SOCS7: variants seen among roughly 807,000 people sequenced by gnomAD.
The protein encoded by SOCS7 is NAP-4.
Under a neutral mutation model 58.9 loss-of-function variants are expected in SOCS7, and 18 were observed. The ratio of observed to expected loss-of-function variants is 0.31; its 90% CI spans 0.21 to 0.45. SOCS7 has a LOEUF of 0.45. SOCS7 is among the 20% of genes least tolerant of loss of function. The probability of loss-of-function intolerance (pLI) is 1.00; values close to 1 mark genes in which losing one functional copy is unlikely to be tolerated. For synonymous variants in SOCS7, 388 were observed against 364.3 expected (o/e 1.06, Z -0.74); for missense variants, 667 against 837.3 (o/e 0.80, Z 2.51).
At chr17:38,395,262 G>A (rs750821784) in intron 7 of SOCS7, 47 bp from the exon 8 acceptor site, 4 of 1,601,224 alleles carry the variant, frequency 2.5e-6, no homozygotes, top group Middle Eastern at 1.7e-4. Flanking sequence ...ATGGTAGTTA[G>A]CTCCATTGTT....
At position 38,359,314 on chromosome 17, in the gene SOCS7, G is replaced by A. The variant is rs587603807; in HGVS notation, c.981-2397G>A. On this transcript the variant is annotated intron_variant, in intron 1 of 9. Coordinates refer to ENST00000612932, the MANE Select transcript of SOCS7 (RefSeq NM_014598.4). ...TTATTTTTATGTAGCCACCTCTCCT[G>A]TGGGTGCTGTGGGTGGAATATTCAT... Among the ~76,000 whole-genome samples, 65 of 152,278 alleles carry A rather than the reference G, an allele frequency of 4.3e-4. No individual in the cohort carries two copies. The South Asian group carries it at 0.012, about 29-fold the overall frequency.
chr17:38,366,704 A>G (rs1046139676), intron 5 of SOCS7, among the ~76,000 whole-genome samples: 1 of 152,182 alleles, frequency 6.6e-6, no homozygotes, highest in African/African-American at 2.4e-5. Flanking sequence ...GCAGTTTCCC[A>G]GGCTGGTCTT....
rs2037561796 is a variant in SOCS7 at position 38,352,173 on chromosome 17, C to T, written c.121C>T (p.Pro41Ser). The change falls in exon 1 of 10, where the codon CCG becomes TCG. Residue 41 changes from proline to serine, a missense_variant. Pro to Ser is a moderately conservative substitution (Grantham distance 74). Around this residue, in one of 9 missense-constraint regions of SOCS7, gnomAD observed 65 missense variants for 51.0 expected, o/e 1.27. Coordinates refer to ENST00000612932, the MANE Select transcript of SOCS7 (RefSeq NM_014598.4). This position sits in a 1 kb window ranked among gnomAD's most constrained non-coding sequence, Gnocchi z 5.5. ...APEPGPPPPP[P>S]GHGPPPPPFL... ...CGAGCCAGGCCCTCCGCCACCGCCCCCGGGCCATGGCCCCCCGCCGCCACC... is the reference window on the plus strand; with the variant it reads ...CGAGCCAGGCCCTCCGCCACCGCCCTCGGGCCATGGCCCCCCGCCGCCACC... 5 of 1,267,828 alleles carry T rather than the reference C, an allele frequency of 3.9e-6. No individual in the cohort carries two copies. The African/African-American group carries it at 4.7e-5, about 12-fold the overall frequency. The allele number at this position is 1,267,828 out of a possible 1,614,324, so 78.5% of individuals were successfully genotyped here. A position where few individuals can be genotyped will look rare whatever the true frequency, so the allele number is the denominator to read the frequency against.
At chr17:38,377,656 C>T in intron 6 of SOCS7, 58 bp from the exon 7 acceptor site, 2 of 1,515,428 alleles carry the variant, frequency 1.3e-6, no homozygotes, top group Non-Finnish European at 1.8e-6. Flanking sequence ...TTCAAACCAG[C>T]CTCTCATGTC....
At chr17:38,379,399 A>T (rs2037973443) in intron 7 of SOCS7, among the ~76,000 whole-genome samples, 1 of 152,048 alleles carries the variant, frequency 6.6e-6, no homozygotes, top group African/African-American at 2.4e-5. Flanking sequence ...GAATTGCTTG[A>T]ACCTAGGAAG....
At position 38,352,197 on chromosome 17, in the gene SOCS7, C is replaced by G; in HGVS notation, c.145C>G (p.Pro49Ala). 3.0e-6 allele frequency: 4 copies of G among 1,321,128 alleles called. No homozygotes were observed. Among genetic ancestry groups the G allele is most frequent in the Non-Finnish European group, 3.8e-6 (4 of 1,043,958 alleles). The allele number at this position is 1,321,128 out of a possible 1,614,324, so 81.8% of individuals were successfully genotyped here. A position where few individuals can be genotyped will look rare whatever the true frequency, so the allele number is the denominator to read the frequency against. Reference protein sequence around the residue: ...PPPGHGPPPPPFLARPGPRGS... With the variant: ...PPPGHGPPPPAFLARPGPRGS... ...CCCGGGCCATGGCCCCCCGCCGCCA[C>G]CCTTCCTCGCGCGGCCCGGCCCGCG... The change falls in exon 1 of 10, where the codon CCC becomes GCC. Residue 49 changes from proline to alanine, a missense_variant. Pro to Ala is a conservative substitution (Grantham distance 27, BLOSUM62 -1). This residue lies in a region of SOCS7 where 65 missense variants were observed against 51.0 expected (regional missense o/e 1.27). Transcript: ENST00000612932. The surrounding 1 kb of genome is among the most constrained non-coding windows in gnomAD (Gnocchi z 5.5).
intron 9 of SOCS7, among the ~76,000 whole-genome samples, chr17:38,396,389 A>C (rs1310909190): frequency 6.6e-6 from 1 of 152,240 alleles, no homozygotes; most frequent in African/African-American, 2.4e-5. Context: ...AATGGCATAT[A>C]AAGCAGGAAG....
At chr17:38,363,625 G>T (rs1441689606) in intron 2 of SOCS7, among the ~76,000 whole-genome samples, 2 of 152,158 alleles carry the variant, frequency 1.3e-5, no homozygotes, top group East Asian at 1.9e-4. Context: ...GTGACCCACT[G>T]CACCTGGTCT....
chr17:38,380,041 C>T (rs1309769472), intron 7 of SOCS7, among the ~76,000 whole-genome samples: 3 of 152,064 alleles, frequency 2.0e-5, no homozygotes, highest in Admixed American at 6.5e-5. Context: ...TGGACAAGCC[C>T]GGGAAATCTC....
chr17:38,356,342 C>T (rs2037637495), intron 1 of SOCS7, among the ~76,000 whole-genome samples: 1 of 151,586 alleles, frequency 6.6e-6, no homozygotes, highest in South Asian at 2.1e-4. Context: ...TGATGTGCCA[C>T]TGCATTCCAG....
At chr17:38,387,510 C>G (rs62635850) in intron 7 of SOCS7, among the ~76,000 whole-genome samples, 1 of 138,346 alleles carries the variant, frequency 7.2e-6, no homozygotes, top group Non-Finnish European at 1.5e-5. Flanking sequence ...TATATATACA[C>G]AATATATTGT....
chr17:38,387,451 A>G (rs1230173619), intron 7 of SOCS7, among the ~76,000 whole-genome samples: 1 of 144,772 alleles, frequency 6.9e-6, no homozygotes, highest in Non-Finnish European at 1.5e-5. Context: ...TCTCAAAAAA[A>G]TATATACATA....
chr17:38,360,570 C>T (rs1215921684), intron 1 of SOCS7, among the ~76,000 whole-genome samples: 4 of 151,742 alleles, frequency 2.6e-5, no homozygotes, highest in Non-Finnish European at 5.9e-5. Flanking sequence ...GACGGAGTCT[C>T]GCTCTGTCGC....
At chr17:38,384,527 C>G (rs1267061679) in intron 7 of SOCS7, among the ~76,000 whole-genome samples, 1 of 152,054 alleles carries the variant, frequency 6.6e-6, no homozygotes, top group East Asian at 1.9e-4. Flanking sequence ...CTCCTGGGCT[C>G]AAGTGATCTT....
At chr17:38,370,090 C>T (rs1206430309) in intron 6 of SOCS7, among the ~76,000 whole-genome samples, 3 of 152,066 alleles carry the variant, frequency 2.0e-5, no homozygotes, top group Non-Finnish European at 2.9e-5. Context: ...CATGCCTGGC[C>T]GGGTTCAAGC....
intron 6 of SOCS7, among the ~76,000 whole-genome samples, chr17:38,369,674 CTTT>C (rs11299884): frequency 6.4e-5 from 8 of 125,972 alleles, no homozygotes; most frequent in Admixed American, 2.4e-4. Context: ...TCTCCGATTA[CTTT>C]TTTTTTTTTT....
At chr17:38,366,100 A>G (rs2037785464) in intron 4 of SOCS7, 187 bp from the exon 5 acceptor site, 2 of 1,237,712 alleles carry the variant, frequency 1.6e-6, no homozygotes, top group Non-Finnish European at 1.1e-6. Flanking sequence ...CACAGCTTAC[A>G]CAAGCCCACA....
At chr17:38,362,803 T>C (rs1313473412) in intron 2 of SOCS7, among the ~76,000 whole-genome samples, 1 of 152,186 alleles carries the variant, frequency 6.6e-6, no homozygotes, top group Non-Finnish European at 1.5e-5. Context: ...AGTTGTTTCC[T>C]CATTAAAGTA....
chr17:38,389,279 C>T (rs1397301705), intron 7 of SOCS7, among the ~76,000 whole-genome samples: 2 of 152,166 alleles, frequency 1.3e-5, no homozygotes, highest in Admixed American at 1.3e-4. Context: ...GAGTTCTTTA[C>T]AGGCTGGGTA....
Sources: allele counts gnomAD v4.1 joint callset (sites outside exome capture counted in the v4.1 genomes callset), GRCh38; gene constraint gnomAD v4.1.1; regional missense constraint gnomAD v4.1.1; non-coding constraint Gnocchi (gnomAD v3.1); transcripts MANE v1.5; gene names NCBI Gene and HGNC (gene_info 2026-07-23, HGNC 2026-07-21).